GRHL2: variants seen among roughly 807,000 people sequenced by gnomAD.
GRHL2 encodes grainyhead-like protein 2 homolog.
GRHL2 carries 21 observed loss-of-function variants against 83.8 expected under a neutral mutation model. That is an observed-to-expected ratio of 0.25 (90% CI 0.18 to 0.36). The LOEUF (loss-of-function observed/expected upper bound fraction) is 0.36, where lower values mean the gene tolerates loss of function less well. GRHL2 is among the 10% of genes least tolerant of loss of function. GRHL2 has a pLI of 1.00. For synonymous variants in GRHL2, 280 were observed against 278.9 expected (o/e 1.00, Z -0.04); for missense variants, 623 against 781.8 (o/e 0.80, Z 2.42).
intron 14 of GRHL2, among the ~76,000 whole-genome samples, chr8:101,652,330 G>GT (rs1563626547): frequency 2.0e-5 from 2 of 101,634 alleles, no homozygotes; most frequent in South Asian, 3.8e-4. Flanking sequence ...GTGTGTGTGT[G>GT]GTGTGTGTGT....
At chr8:101,534,899 G>C (rs1475396791) in intron 1 of GRHL2, among the ~76,000 whole-genome samples, 1 of 152,160 alleles carries the variant, frequency 6.6e-6, no homozygotes, top group Non-Finnish European at 1.5e-5. Context: ...CAGATGTTTG[G>C]CTTCCCTATA....
chr8:101,665,784 G>A (rs1015350364), intron 15 of GRHL2, among the ~76,000 whole-genome samples: 1 of 149,800 alleles, frequency 6.7e-6, no homozygotes, highest in Non-Finnish European at 1.5e-5. Context: ...CTTGCCTGCT[G>A]ACACATAACT....
Position 101,571,490 on chromosome 8 carries a change from T to TAAA in GRHL2, c.734+1110_734+1112dup, listed in dbSNP as rs55827087. Among the ~76,000 whole-genome samples the TAAA allele has an allele frequency of 3.6e-3, 471 of 131,352 alleles. 5 individuals carry two copies. The East Asian group carries it at 0.055, about 15-fold the overall frequency. 86.2% of individuals were successfully genotyped at this position (131,352 alleles called of 152,430 possible). On this transcript the variant is annotated intron_variant, in intron 5 of 15. Transcript: ENST00000646743. ...GCCAACATAGTAAGACCCCATTACA[T>TAAA]AAAAAAAAAAAAAAAAGAGTGAGAG...
chr8:101,578,753 G>A (rs907943919), intron 7 of GRHL2, among the ~76,000 whole-genome samples: 1 of 152,090 alleles, frequency 6.6e-6, no homozygotes, highest in African/African-American at 2.4e-5. Context: ...CAATTACTTT[G>A]ATTTCTTACA....
At chr8:101,638,456 A>C (rs895560900) in intron 12 of GRHL2, among the ~76,000 whole-genome samples, 1 of 152,254 alleles carries the variant, frequency 6.6e-6, no homozygotes, top group Non-Finnish European at 1.5e-5. Context: ...GTGCTACTGG[A>C]AACAGCTGTG....
At chr8:101,551,285 T>C (rs1037173263) in intron 2 of GRHL2, among the ~76,000 whole-genome samples, 3 of 152,228 alleles carry the variant, frequency 2.0e-5, no homozygotes, top group Admixed American at 6.5e-5. Context: ...AATTAACTCA[T>C]TTAATTTTAC....
intron 1 of GRHL2, among the ~76,000 whole-genome samples, chr8:101,506,619 T>C (rs1409173008): frequency 6.6e-6 from 1 of 152,226 alleles, no homozygotes; most frequent in Non-Finnish European, 1.5e-5. Flanking sequence ...AAATCATGTT[T>C]ATATGTAAAG....
rs547832711 is a variant in GRHL2 at position 101,665,836 on chromosome 8, C to T, written c.1764-753C>T. The stretch of plus-strand genomic sequence containing the variant: ...AGTCAGTGGTTCATTCTCAAACCAG[C>T]ATCTGTCTGACTTCAAATCATGAAA... On this transcript the variant is annotated intron_variant, in intron 15 of 15. Transcript: ENST00000646743. Among the ~76,000 whole-genome samples, 12 of 152,310 alleles carry T rather than the reference C, an allele frequency of 7.9e-5. No homozygotes were observed. The East Asian group carries it at 2.3e-3, about 29-fold the overall frequency.
intron 1 of GRHL2, among the ~76,000 whole-genome samples, chr8:101,500,028 A>T (rs888000251): frequency 6.6e-6 from 1 of 152,094 alleles, no homozygotes; most frequent in Non-Finnish European, 1.5e-5. Flanking sequence ...GTGAACCAAG[A>T]TCGCACCACT....
At chr8:101,672,368 T>C (rs1001500385), downstream of GRHL2, among the ~76,000 whole-genome samples, 8 of 151,758 alleles carry the variant, frequency 5.3e-5, no homozygotes, top group Admixed American at 3.9e-4. Context: ...AAGGAGCTGA[T>C]GGAGCTGAAA....
chr8:101,671,952 G>A (rs1171731060), downstream of GRHL2, among the ~76,000 whole-genome samples: 1 of 152,178 alleles, frequency 6.6e-6, no homozygotes, highest in Non-Finnish European at 1.5e-5. Context: ...AGGGTCTGGA[G>A]TGGACTTCTA....
At chr8:101,532,332 A>C (rs1810944913) in intron 1 of GRHL2, among the ~76,000 whole-genome samples, 1 of 152,234 alleles carries the variant, frequency 6.6e-6, no homozygotes, top group Non-Finnish European at 1.5e-5. Flanking sequence ...TTTTGGTCTG[A>C]ATATGGTCAT....
intron 4 of GRHL2, among the ~76,000 whole-genome samples, chr8:101,568,859 A>C (rs184979511): frequency 1.3e-5 from 2 of 152,220 alleles, no homozygotes; most frequent in Non-Finnish European, 2.9e-5. Context: ...TTTGAAGGGA[A>C]GATAATCTTC....
intron 4 of GRHL2, among the ~76,000 whole-genome samples, chr8:101,564,577 G>A (rs996205294): frequency 1.3e-5 from 2 of 152,010 alleles, no homozygotes; most frequent in Non-Finnish European, 2.9e-5. Flanking sequence ...AGGCAGAGGC[G>A]GGAGGATCAT....
chr8:101,597,670 G>T (rs1442399073), intron 7 of GRHL2, among the ~76,000 whole-genome samples: 3 of 148,722 alleles, frequency 2.0e-5, no homozygotes, highest in Non-Finnish European at 4.5e-5. Flanking sequence ...TCACACATCC[G>T]GGTCTGTTGT....
intron 7 of GRHL2, among the ~76,000 whole-genome samples, chr8:101,593,721 A>T (rs1042488914): frequency 1.3e-5 from 2 of 152,102 alleles, no homozygotes; most frequent in Admixed American, 6.5e-5. Context: ...TCAAGATAAG[A>T]TCATCCTGGA....
chr8:101,678,534 T>C, the GRHL2 span, among the ~76,000 whole-genome samples: 1 of 152,064 alleles, frequency 6.6e-6, no homozygotes, highest in African/African-American at 2.4e-5. Context: ...CAGGCTTGCT[T>C]AGGTAAACAA....
At chr8:101,519,476 G>A (rs2130039166) in intron 1 of GRHL2, among the ~76,000 whole-genome samples, 1 of 151,822 alleles carries the variant, frequency 6.6e-6, no homozygotes, top group Admixed American at 6.6e-5. Context: ...ATAGCTCACT[G>A]CAGCCTCAGA....
At chr8:101,680,356 A>G in the GRHL2 span, among the ~76,000 whole-genome samples, 1 of 147,000 alleles carries the variant, frequency 6.8e-6, no homozygotes, top group African/African-American at 2.5e-5. Context: ...TAAAGGGATC[A>G]ATTCAACAAG....
Sources: allele counts gnomAD v4.1 joint callset (sites outside exome capture counted in the v4.1 genomes callset), GRCh38; gene constraint gnomAD v4.1.1; transcripts MANE v1.5; gene names NCBI Gene and HGNC (gene_info 2026-07-23, HGNC 2026-07-21).